HECW2: variants seen among roughly 807,000 people sequenced by gnomAD.
The protein encoded by HECW2 is E3 ubiquitin-protein ligase HECW2.
HECW2 carries 61 observed loss-of-function variants against 175.2 expected under a neutral mutation model. The ratio of observed to expected loss-of-function variants is 0.35; its 90% CI spans 0.28 to 0.43. The LOEUF is 0.43. Among genes scored for constraint, HECW2 ranks in the 20% least tolerant of loss-of-function variants. The pLI, the probability that HECW2 is intolerant of heterozygous loss-of-function variation, is 1.00. For synonymous variants in HECW2, 671 were observed against 731.0 expected (o/e 0.92, Z 1.32); for missense variants, 1,524 against 2,000.5 (o/e 0.76, Z 4.54).
chr2:196,397,916 G>A (rs375720687), intron 2 of HECW2, among the ~76,000 whole-genome samples: 4 of 152,102 alleles, frequency 2.6e-5, no homozygotes, highest in African/African-American at 9.7e-5. Context: ...TTCATGGAAG[G>A]GCTCAATAAA....
At chr2:196,478,379 T>C (rs1255077568) in intron 1 of HECW2, among the ~76,000 whole-genome samples, 1 of 152,188 alleles carries the variant, frequency 6.6e-6, no homozygotes, top group Non-Finnish European at 1.5e-5. Flanking sequence ...TCCTGGCTGC[T>C]GGTCTGTGAT....
chr2:196,453,868 T>A (rs1219453544), intron 1 of HECW2, among the ~76,000 whole-genome samples: 1 of 152,160 alleles, frequency 6.6e-6, no homozygotes, highest in African/African-American at 2.4e-5. Flanking sequence ...AATTGTGACG[T>A]GGAGCTTCAT....
chr2:196,348,598 C>T (rs765656980), intron 2 of HECW2, among the ~76,000 whole-genome samples: 2 of 152,020 alleles, frequency 1.3e-5, no homozygotes, highest in South Asian at 2.1e-4. Context: ...CAGTGAGCCA[C>T]GATTGCACCA....
At chr2:196,532,965 T>C (rs1221139520) in intron 1 of HECW2, among the ~76,000 whole-genome samples, 1 of 152,190 alleles carries the variant, frequency 6.6e-6, no homozygotes. Context: ...GGGAAGGAAG[T>C]TGAAGAAAGT....
intron 1 of HECW2, among the ~76,000 whole-genome samples, chr2:196,574,125 T>C (rs554528657): frequency 2.0e-5 from 3 of 150,728 alleles, no homozygotes; most frequent in African/African-American, 7.5e-5. Context: ...CCATTTACAA[T>C]AGCGACAAAA....
chr2:196,351,425 C>T (rs1490606921), intron 2 of HECW2, among the ~76,000 whole-genome samples: 1 of 151,934 alleles, frequency 6.6e-6, no homozygotes, highest in African/African-American at 2.4e-5. Flanking sequence ...CAAACATATT[C>T]TAGATTTGGA....
intron 2 of HECW2, among the ~76,000 whole-genome samples, chr2:196,379,349 G>C (rs935926947): frequency 6.6e-6 from 1 of 152,092 alleles, no homozygotes; most frequent in Non-Finnish European, 1.5e-5. Context: ...CAGTTATACA[G>C]GTCTACACAT....
At chr2:196,318,436 G>T in intron 9 of HECW2, 116 bp downstream of exon 9, 1 of 1,216,890 alleles carries the variant, frequency 8.2e-7, no homozygotes, top group Non-Finnish European at 1.1e-6. Context: ...ACCTCAAGGT[G>T]AGGAATTCAG....
At chr2:196,436,270 G>A (rs189984393) in intron 1 of HECW2, among the ~76,000 whole-genome samples, 29 of 152,046 alleles carry the variant, frequency 1.9e-4, no homozygotes, top group Admixed American at 1.4e-3. Flanking sequence ...GCGTGGTGGC[G>A]GGTGCCTGTA....
rs781631738 is a variant in HECW2, at chr2:196,306,539, G to A, written c.2763C>T (p.Pro921=). The part of the protein sequence containing the change: ...SRITLLLQSP[P]VKFLISPEFF... ...ACTCTGGGCTGATGAGGAACTTCACGGGGGGAGACTGTAACAGCAACGTGA... is the reference window on the plus strand; with the variant it reads ...ACTCTGGGCTGATGAGGAACTTCACAGGGGGAGACTGTAACAGCAACGTGA... The change falls in exon 13 of 29, where the codon CCC becomes CCT. Residue 921 remains proline, a synonymous_variant. Coordinates refer to ENST00000644978, the MANE Select transcript of HECW2 (RefSeq NM_001348768.2). The A allele has an allele frequency of 6.8e-6, 11 of 1,611,836 alleles. No individual in the cohort carries two copies. The highest frequency in any genetic ancestry group is 2.7e-5 in the African/African-American group (2 of 74,704).
chr2:196,592,692 T>C (rs1691245618), intron 1 of HECW2: 1 of 152,282 alleles, frequency 6.6e-6, no homozygotes, highest in African/African-American at 2.4e-5. Context: ...GGCAAATGAA[T>C]GACCGCGCCG....
chr2:196,385,050 G>T (rs1694309266), intron 2 of HECW2, among the ~76,000 whole-genome samples: 1 of 152,000 alleles, frequency 6.6e-6, no homozygotes, highest in South Asian at 2.1e-4. Flanking sequence ...CCAAATATCT[G>T]AGACTGTAGG....
At chr2:196,386,722 C>T (rs1440310879) in intron 2 of HECW2, among the ~76,000 whole-genome samples, 1 of 152,082 alleles carries the variant, frequency 6.6e-6, no homozygotes, top group Non-Finnish European at 1.5e-5. Context: ...GGCACAATCC[C>T]CAGTGTAGAT....
At chr2:196,500,158 A>AC (rs1293190132) in intron 1 of HECW2, among the ~76,000 whole-genome samples, 1 of 152,176 alleles carries the variant, frequency 6.6e-6, no homozygotes, top group Non-Finnish European at 1.5e-5. Context: ...TACCTCTGTG[A>AC]CCCCAAGAAG....
chr2:196,454,050 GC>G (rs1424710853), intron 1 of HECW2, among the ~76,000 whole-genome samples: 3 of 152,102 alleles, frequency 2.0e-5, no homozygotes, highest in Non-Finnish European at 4.4e-5. Flanking sequence ...TCACTCTGTT[GC>G]CCAGGCTGGA....
At chr2:196,386,953 C>T (rs1452417815) in intron 2 of HECW2, among the ~76,000 whole-genome samples, 1 of 152,056 alleles carries the variant, frequency 6.6e-6, no homozygotes, top group African/African-American at 2.4e-5. Flanking sequence ...TATAACAAGG[C>T]TATAATACTA....
chr2:196,298,540 C>T (rs1178974583), intron 13 of HECW2, among the ~76,000 whole-genome samples: 1 of 151,904 alleles, frequency 6.6e-6, no homozygotes, highest in Non-Finnish European at 1.5e-5. Context: ...GGTACATGTG[C>T]ACAACGTGCA....
rs188021146 is a variant in HECW2, at chr2:196,224,578, G to C, written c.4016+1194C>G. On this transcript the variant is annotated intron_variant, in intron 23 of 28. Transcript: ENST00000644978. ...AGTGTCATAGATGCCAGCTCTGAAG[G>C]AAAGACACAGGAATAAATGGTGGCG... Among the ~76,000 whole-genome samples the C allele has an allele frequency of 5.0e-4, 76 of 152,236 alleles. 2 individuals carry two copies. Among genetic ancestry groups the C allele is most frequent in the Admixed American group, 3.9e-3 (59 of 15,288 alleles).
chr2:196,354,045 G>A (rs1693270112), intron 2 of HECW2, among the ~76,000 whole-genome samples: 1 of 152,140 alleles, frequency 6.6e-6, no homozygotes, highest in Non-Finnish European at 1.5e-5. Flanking sequence ...TAATCAAAAG[G>A]CTGTTAATAC....
Sources: allele counts gnomAD v4.1 joint callset (sites outside exome capture counted in the v4.1 genomes callset), GRCh38; gene constraint gnomAD v4.1.1; transcripts MANE v1.5; gene names NCBI Gene and HGNC (gene_info 2026-07-23, HGNC 2026-07-21).